The following CD46 variants were observed in gnomAD, a reference collection of about 807,000 sequenced individuals.
CD46 encodes membrane cofactor protein.
CD46 carries 30 observed loss-of-function variants against 53.3 expected under a neutral mutation model. That is an observed-to-expected ratio of 0.56 (90% CI 0.42 to 0.76). The LOEUF is 0.76. Ranked by LOEUF, CD46 falls within the 30% of genes least tolerant of loss-of-function variation. CD46 has a pLI of 0.00. For missense variants in CD46, 409 were observed against 463.0 expected (o/e 0.88, Z 1.07); for synonymous variants, 142 against 152.0 (o/e 0.93, Z 0.48).
At chr1:207,759,165 G>A (rs1398191003) in intron 3 of CD46, among the ~76,000 whole-genome samples, 1 of 152,106 alleles carries the variant, frequency 6.6e-6, no homozygotes, top group Non-Finnish European at 1.5e-5. Context: ...ACAACCCCAT[G>A]TACTGTTATC....
chr1:207,758,728 T>G (rs558473426), intron 3 of CD46, among the ~76,000 whole-genome samples: 11 of 152,328 alleles, frequency 7.2e-5, no homozygotes, highest in Non-Finnish European at 1.3e-4. Context: ...GCTGTGACTA[T>G]GTAAGGCAAC....
Position 207,783,344 on chromosome 1 carries a change from T to C in CD46, c.982+14T>C. The C allele has an allele frequency of 6.6e-7, 1 of 1,512,138 alleles. No individual in the cohort carries two copies. Among genetic ancestry groups the C allele is most frequent in the Non-Finnish European group, 9.2e-7 (1 of 1,087,840 alleles). The allele number at this position is 1,512,138 out of a possible 1,614,324, so 93.7% of individuals were successfully genotyped here. A position where few individuals can be genotyped will look rare whatever the true frequency, so the allele number is the denominator to read the frequency against. ...TTGACAGTTTGGGTTGGTATAGCTA[T>C]CATGACAAATATAAGTGGTAGTATG... is the stretch of plus-strand genomic sequence containing the variant. On this transcript the variant is annotated intron_variant, in intron 9 of 12. Coordinates refer to ENST00000367042, the MANE Select transcript of CD46 (RefSeq NM_172351.3).
intron 8 of CD46, among the ~76,000 whole-genome samples, chr1:207,774,175 T>C (rs1018687461): frequency 6.6e-6 from 1 of 152,094 alleles, no homozygotes; most frequent in Non-Finnish European, 1.5e-5. Flanking sequence ...GTTGGTTTAA[T>C]GTCTGTTTTA....
Position 207,761,425 on chromosome 1 carries a change from C to A in CD46, c.652C>A (p.Arg218Ser). 6.2e-7 allele frequency: 1 copy of A among 1,613,596 alleles called. No homozygotes were observed. The highest frequency in any genetic ancestry group is 1.1e-5 in the South Asian group (1 of 91,064). The change falls in exon 5 of 13, where the codon CGT (arginine) becomes AGT (serine). Residue 218 changes from arginine to serine, a missense_variant. Arg to Ser is a moderately radical substitution (Grantham distance 110, BLOSUM62 -1). Transcript: ENST00000367042. The part of the protein sequence containing the change: ...IYCGDNSVWS[R>S]AAPECKVVKC... ...TTGTGGTGACAATTCAGTGTGGAGT[C>A]GTGCTGCTCCAGAGTGTAAAGGTAG...
chr1:207,793,674 C>A lies in CD46; in HGVS notation c.*197C>A. The A allele has an allele frequency of 8.9e-7, 1 of 1,120,630 alleles. No homozygotes were observed. Among genetic ancestry groups the A allele is most frequent in the South Asian group, 1.3e-5 (1 of 78,866 alleles). 69.4% of individuals were successfully genotyped at this position (1,120,630 alleles called of 1,614,324 possible). A position where few individuals can be genotyped will look rare whatever the true frequency, so the allele number is the denominator to read the frequency against. On this transcript the variant is annotated 3_prime_UTR_variant, in exon 13 of 13. Transcript: ENST00000367042. ...AGTTGTTATTCTGTAGTTTCACTCTCATGAGTGCAACTGTGGCTTAGCTAA... is the reference window on the plus strand; with the variant it reads ...AGTTGTTATTCTGTAGTTTCACTCTAATGAGTGCAACTGTGGCTTAGCTAA...
intron 5 of CD46, chr1:207,762,649 T>A (rs1251984172): frequency 3.3e-5 from 5 of 152,332 alleles, no homozygotes; most frequent in Admixed American, 3.3e-4. Flanking sequence ...GGACTTGTCC[T>A]TTTAGAAGTT....
intron 3 of CD46, 56 bp downstream of exon 3, chr1:207,757,698 G>T: frequency 8.7e-7 from 1 of 1,151,890 alleles, no homozygotes. Context: ...TTTTTGTTTT[G>T]CTTCTCTTCT....
At chr1:207,783,137 G>T (rs1658937901) in intron 8 of CD46, among the ~76,000 whole-genome samples, 155 bp from the exon 9 acceptor site, 1 of 151,950 alleles carries the variant, frequency 6.6e-6, no homozygotes, top group African/African-American at 2.4e-5. Context: ...ACTACTTTGA[G>T]AAACATTAAT....
chr1:207,771,363 G>A (rs1224121663), intron 8 of CD46, among the ~76,000 whole-genome samples: 2 of 152,162 alleles, frequency 1.3e-5, no homozygotes, highest in Admixed American at 1.3e-4. Context: ...TCACTCTGAT[G>A]ATAGTTTCTT....
In CD46 at chr1:207,756,822, T is replaced by A. The variant is rs12067460; in HGVS notation, c.98-192T>A. 0.028 allele frequency among the ~76,000 whole-genome samples: 4,269 copies of A among 152,352 alleles called. 101 individuals are homozygous for A. Among genetic ancestry groups the A allele is most frequent in the African/African-American group, 0.06 (2,495 of 41,578 alleles). On this transcript the variant is annotated intron_variant, in intron 1 of 12. Transcript: ENST00000367042. ...CCAAACAAACCAAAAGCTAATAGGA[T>A]GTTACTTAAAACATGCAAGTCCCAT... is the stretch of plus-strand genomic sequence containing the variant.
chr1:207,761,260 A>G lies in CD46; in HGVS notation c.487A>G (p.Thr163Ala). ...TCTTCATTTTTAAGAGGTTTTGTGT[A>G]CACCACCTCCAAAAATAAAAAATGG... ...KPPICEKVLC[T>A]PPPKIKNGKH... The change falls in exon 5 of 13, where the codon ACA (threonine) becomes GCA (alanine). Residue 163 changes from threonine (T) to alanine (A), a missense_variant. By Grantham distance (58) the Thr-to-Ala change is moderately conservative (BLOSUM62 0). Transcript: ENST00000367042. The G allele has an allele frequency of 3.7e-6, 6 of 1,606,348 alleles. No individual in the cohort carries two copies. The highest frequency in any genetic ancestry group is 5.1e-6 in the Non-Finnish European group (6 of 1,173,218).
intron 7 of CD46, 63 bp from the exon 8 acceptor site, chr1:207,770,258 A>C: frequency 8.6e-7 from 1 of 1,164,832 alleles, no homozygotes; most frequent in Non-Finnish European, 1.3e-6. Flanking sequence ...TATCAAAATT[A>C]AAGTCATAAT....
intron 1 of CD46, among the ~76,000 whole-genome samples, chr1:207,756,063 C>T (rs555411446): frequency 1.4e-4 from 21 of 152,092 alleles, no homozygotes; most frequent in Middle Eastern, 3.4e-3. Flanking sequence ...TCACTGCTTC[C>T]CAGGGGGAGG....
intron 11 of CD46, among the ~76,000 whole-genome samples, chr1:207,789,688 T>C (rs1263357153): frequency 6.6e-6 from 1 of 151,904 alleles, no homozygotes; most frequent in Non-Finnish European, 1.5e-5. Context: ...AAAGTTGATT[T>C]CTAGATAATA....
chr1:207,783,556 C>T (rs1658989124), intron 9 of CD46: 1 of 419,212 alleles, frequency 2.4e-6, no homozygotes, highest in Non-Finnish European at 4.4e-6. Context: ...CTATTCATAT[C>T]TTATATACAT....
chr1:207,761,730 AT>A (rs1558050642), intron 5 of CD46, among the ~76,000 whole-genome samples: 4 of 151,876 alleles, frequency 2.6e-5, no homozygotes, highest in African/African-American at 9.7e-5. Flanking sequence ...AAAAAAAAAA[AT>A]ACACACTGGC....
chr1:207,767,224 G>A, intron 6 of CD46, 29 bp downstream of exon 6: 1 of 1,568,736 alleles, frequency 6.4e-7, no homozygotes, highest in South Asian at 1.1e-5. Flanking sequence ...TTCTGTCTTG[G>A]TTTGTTATTG....
intron 12 of CD46, among the ~76,000 whole-genome samples, chr1:207,790,940 T>G (rs1238041501): frequency 2.0e-5 from 3 of 152,220 alleles, no homozygotes; most frequent in African/African-American, 7.2e-5. Flanking sequence ...TTCCTCTGTT[T>G]GTGCTAGAAT....
chr1:207,767,857 A>AT (rs1657044935), intron 7 of CD46, 34 bp downstream of exon 7: 7 of 1,489,766 alleles, frequency 4.7e-6, no homozygotes, highest in East Asian at 4.5e-5. Flanking sequence ...TTTTTCAAAA[A>AT]TCCTTTAAAT....
Sources: allele counts gnomAD v4.1 joint callset (sites outside exome capture counted in the v4.1 genomes callset), GRCh38; gene constraint gnomAD v4.1.1; transcripts MANE v1.5; gene names NCBI Gene and HGNC (gene_info 2026-07-23, HGNC 2026-07-21).